MIA2: variants seen among roughly 807,000 people sequenced by gnomAD.
MIA2 encodes melanoma inhibitory activity protein 2.
In MIA2, 127 loss-of-function variants were observed where a neutral mutation model predicts 167.8. That is an observed-to-expected ratio of 0.76 (90% CI 0.66 to 0.88). The LOEUF is 0.88. Ranked by LOEUF, MIA2 falls within the 40% of genes least tolerant of loss-of-function variation. The pLI is 0.00. For synonymous variants in MIA2, 552 were observed against 541.9 expected, an observed-to-expected ratio of 1.02 and a Z score of -0.26; for missense variants, 1,690 against 1,624.7, an observed-to-expected ratio of 1.04 and a Z score of -0.69.
chr14:39,333,948 G>A (rs1164989991), intron 25 of MIA2, among the ~76,000 whole-genome samples: 2 of 152,114 alleles, frequency 1.3e-5, no homozygotes, highest in African/African-American at 4.8e-5. Flanking sequence ...GGGCCAACCT[G>A]TGTCAACTAT....
chr14:39,342,266 G>T (rs1324802372), intron 25 of MIA2, among the ~76,000 whole-genome samples: 5 of 150,820 alleles, frequency 3.3e-5, no homozygotes, highest in Middle Eastern at 3.4e-3. Context: ...GCAGTGTTTG[G>T]TTTTTTGTCC....
At chr14:39,343,958 AATAG>A (rs2072629473) in intron 25 of MIA2, among the ~76,000 whole-genome samples, 1 of 152,240 alleles carries the variant, frequency 6.6e-6, no homozygotes, top group Non-Finnish European at 1.5e-5. Context: ...TGCAATCAGA[AATAG>A]ATAGTCTACC....
intron 1 of MIA2, among the ~76,000 whole-genome samples, chr14:39,235,105 G>A (rs1304520757): frequency 9.3e-5 from 14 of 150,836 alleles, no homozygotes; most frequent in African/African-American, 2.7e-4. Flanking sequence ...GCACGATCTC[G>A]GCTCACTGCA....
At chr14:39,349,958 A>G (rs2074181913) in intron 28 of MIA2, 140 bp from the exon 29 acceptor site, 1 of 440,166 alleles carries the variant, frequency 2.3e-6, no homozygotes, top group Non-Finnish European at 4.1e-6. Context: ...GTAAAAATTA[A>G]TTTGTTAGAT....
chr14:39,318,256 T>G (rs2065842837), intron 22 of MIA2, among the ~76,000 whole-genome samples: 1 of 152,188 alleles, frequency 6.6e-6, no homozygotes, highest in South Asian at 2.1e-4. Context: ...TAGAATTTTT[T>G]TTAAACCAGT....
At chr14:39,343,779 T>C (rs1355817245) in intron 25 of MIA2, among the ~76,000 whole-genome samples, 1 of 152,104 alleles carries the variant, frequency 6.6e-6, no homozygotes, top group African/African-American at 2.4e-5. Flanking sequence ...CTGTATCTTA[T>C]TATGTGTATA....
chr14:39,289,077 A>G (rs1253638363), intron 9 of MIA2, among the ~76,000 whole-genome samples: 2 of 152,148 alleles, frequency 1.3e-5, no homozygotes, highest in African/African-American at 4.8e-5. Context: ...ATTTGGTAAA[A>G]TTCAGCCGTG....
rs559936142 is a variant in MIA2, at chr14:39,280,473, T to C, written c.2130+936T>C. 1.1e-4 allele frequency among the ~76,000 whole-genome samples: 16 copies of C among 152,076 alleles called. No individual in the cohort carries two copies. The South Asian group carries it at 2.1e-3, about 20-fold the overall frequency. On this transcript the variant is annotated intron_variant, in intron 9 of 28. Coordinates refer to ENST00000640607, the MANE Select transcript of MIA2 (RefSeq NM_001329214.4). ...ACCGGCTGGGCACGGTGGCTCATGCTTGTAATCCCAGCACTTTGGGAGGCT... is the reference window on the plus strand; with the variant it reads ...ACCGGCTGGGCACGGTGGCTCATGCCTGTAATCCCAGCACTTTGGGAGGCT...
chr14:39,268,441 AAG>A (rs2056455398), intron 6 of MIA2, among the ~76,000 whole-genome samples: 1 of 142,832 alleles, frequency 7.0e-6, no homozygotes, highest in African/African-American at 2.7e-5. Context: ...GTTGTCTGTT[AAG>A]AGAGAGAAGA....
At chr14:39,240,293 C>A (rs528372020) in intron 2 of MIA2, among the ~76,000 whole-genome samples, 29 of 152,250 alleles carry the variant, frequency 1.9e-4, no homozygotes, top group Non-Finnish European at 3.2e-4. Flanking sequence ...AACAGAAAAA[C>A]GAATAAAATG....
At chr14:39,314,698 T>C (rs577668673) in intron 19 of MIA2, 41 bp from the exon 20 acceptor site, 20 of 1,509,820 alleles carry the variant, frequency 1.3e-5, no homozygotes, top group African/African-American at 6.9e-5. Context: ...TGTCATTTCA[T>C]GTTATATGTT....
At chr14:39,362,113 C>T (rs4316662) in intron 23 of MIA2, among the ~76,000 whole-genome samples, 10,842 of 152,190 alleles carry the variant, frequency 0.071, 478 homozygotes, top group South Asian at 0.17. Flanking sequence ...TTGAGTTTTA[C>T]ATCCATATTC....
intron 9 of MIA2, among the ~76,000 whole-genome samples, chr14:39,285,684 T>A (rs76563353): frequency 0.051 from 616 of 12,092 alleles, no homozygotes; most frequent in East Asian, 0.11. Context: ...TCCCTCCCGG[T>A]CGGGGTGGCT....
intron 18 of MIA2, among the ~76,000 whole-genome samples, chr14:39,311,462 GTTGCTT>G (rs534400342): frequency 0.19 from 20,927 of 109,770 alleles, 2,999 homozygotes; most frequent in East Asian, 0.33. Context: ...AGCTTGATGT[GTTGCTT>G]TTTTTTTTTT....
chr14:39,247,308 CT>C lies in MIA2; in HGVS notation c.735del (p.Val246TyrfsTer11). The C allele has an allele frequency of 6.2e-7, 1 of 1,613,864 alleles. No individual in the cohort carries two copies. The highest frequency in any genetic ancestry group is 8.5e-7 in the Non-Finnish European group (1 of 1,179,946). ...EEKAFESVIE[P>X]VQESSFRSRK... ...AAGGCTTTTGAATCAGTTATTGAAC[CT>C]GTACAAGAAAGCTCATTTCGGAGTA... On this transcript the variant is annotated frameshift_variant, in exon 4 of 29. Transcript: ENST00000640607. LOFTEE classifies it high-confidence loss of function.
chr14:39,272,039 G>C (rs1267953085), intron 6 of MIA2, among the ~76,000 whole-genome samples: 1 of 151,910 alleles, frequency 6.6e-6, no homozygotes, highest in Non-Finnish European at 1.5e-5. Flanking sequence ...ACCACTTAGA[G>C]GTGGGCGTGA....
intron 23 of MIA2, among the ~76,000 whole-genome samples, chr14:39,384,191 A>G (rs960583871): frequency 3.3e-5 from 5 of 152,178 alleles, no homozygotes; most frequent in Admixed American, 3.3e-4. Flanking sequence ...AGCTGAAGCC[A>G]TTTGCAATTC....
At chr14:39,363,918 G>A (rs2074756785) in intron 23 of MIA2, among the ~76,000 whole-genome samples, 1 of 152,132 alleles carries the variant, frequency 6.6e-6, no homozygotes, top group African/African-American at 2.4e-5. Flanking sequence ...GTCTTTACAG[G>A]TGATGTGATT....
intron 23 of MIA2, among the ~76,000 whole-genome samples, chr14:39,365,664 T>TATC (rs1436247457): frequency 1.4e-3 from 52 of 37,518 alleles, no homozygotes; most frequent in Non-Finnish European, 6.2e-4. Flanking sequence ...TCTATCTATC[T>TATC]ATCTATCTAT....
Sources: gnomAD v4.1 joint callset for allele counts (sites outside exome capture counted in the v4.1 genomes callset) on GRCh38, gnomAD v4.1.1 for gene constraint, MANE v1.5 for transcripts, NCBI Gene and HGNC (gene_info 2026-07-23, HGNC 2026-07-21) for gene names.